Variants in NREP observed in about 807,000 individuals in gnomAD.
NREP encodes neuronal regeneration related protein.
Under a neutral mutation model 8.6 loss-of-function variants are expected in NREP, and 5 were observed. The observed-to-expected ratio is 0.58, with a 90% CI of 0.30 to 1.22. The LOEUF (loss-of-function observed/expected upper bound fraction) is 1.22, where lower values mean the gene tolerates loss of function less well. NREP is among the 50% of genes most tolerant of loss of function. The pLI, the probability that NREP is intolerant of heterozygous loss-of-function variation, is 0.07. For synonymous variants in NREP, 27 were observed against 28.0 expected, an observed-to-expected ratio of 0.96 and a Z score of 0.11; for missense variants, 86 against 82.5, an observed-to-expected ratio of 1.04 and a Z score of -0.17.
chr5:111,755,913 C>T, intron 1 of NREP, 83 bp from the exon 2 acceptor site: 2 of 1,565,796 alleles, frequency 1.3e-6, no homozygotes, highest in South Asian at 1.2e-5. Context: ...AGGTTACAGA[C>T]GAATAACCAT....
chr5:111,885,679 C>T (rs1754223898), intron 2 of NREP, among the ~76,000 whole-genome samples: 1 of 152,154 alleles, frequency 6.6e-6, no homozygotes, highest in African/African-American at 2.4e-5. Context: ...ATATCTTCAA[C>T]TATCTGATCT....
chr5:111,922,107 C>G (rs976164639), intron 2 of NREP, among the ~76,000 whole-genome samples: 1 of 152,124 alleles, frequency 6.6e-6, no homozygotes, highest in Non-Finnish European at 1.5e-5. Context: ...TTCAAAAGGG[C>G]TTAAACTTAA....
intron 2 of NREP, among the ~76,000 whole-genome samples, chr5:111,923,825 T>A (rs1661636292): frequency 6.6e-6 from 1 of 152,210 alleles, no homozygotes; most frequent in African/African-American, 2.4e-5. Flanking sequence ...TAAGGGTTGG[T>A]GCCCCAAGCA....
At chr5:111,810,042 T>TA (rs201965843) in intron 2 of NREP, among the ~76,000 whole-genome samples, 2,258 of 151,140 alleles carry the variant, frequency 0.015, 46 homozygotes, top group African/African-American at 0.04. Context: ...ACTAATCTCA[T>TA]AAAAAAAGAC....
intron 2 of NREP, chr5:111,846,329 C>T (rs1282380262): frequency 3.3e-5 from 5 of 152,886 alleles, no homozygotes; most frequent in African/African-American, 9.8e-5. Context: ...GCTGGACTCT[C>T]CTCATTTTTA....
upstream of NREP, among the ~76,000 whole-genome samples, chr5:111,759,123 A>C (rs1383206238): frequency 2.6e-5 from 4 of 152,174 alleles, no homozygotes; most frequent in East Asian, 5.8e-4. Context: ...GGGTGGTGGG[A>C]GAGGGGAGAC....
intron 2 of NREP, among the ~76,000 whole-genome samples, chr5:111,771,600 T>C (rs2112873520): frequency 6.6e-6 from 1 of 151,936 alleles, no homozygotes; most frequent in East Asian, 1.9e-4. Context: ...TCGTCTCTAC[T>C]AAAAATACAA....
chr5:111,822,857 A>C (rs1157563250), intron 2 of NREP, among the ~76,000 whole-genome samples: 2 of 152,238 alleles, frequency 1.3e-5, no homozygotes, highest in Non-Finnish European at 2.9e-5. Flanking sequence ...AGTATAAATG[A>C]AAAATGGAGA....
chr5:111,900,427 C>T (rs1372862662), intron 2 of NREP, among the ~76,000 whole-genome samples: 3 of 151,352 alleles, frequency 2.0e-5, no homozygotes, highest in African/African-American at 7.3e-5. Context: ...TCAAAATAGG[C>T]CTGAATGTAA....
At chr5:111,935,516 C>T (rs937875628) in intron 2 of NREP, among the ~76,000 whole-genome samples, 5 of 152,072 alleles carry the variant, frequency 3.3e-5, no homozygotes, top group African/African-American at 1.2e-4. Flanking sequence ...GCACTTACTA[C>T]ACAGGTACTT....
intron 2 of NREP, among the ~76,000 whole-genome samples, chr5:111,736,380 T>G (rs1489615634): frequency 1.3e-5 from 2 of 152,206 alleles, no homozygotes; most frequent in African/African-American, 4.8e-5. Flanking sequence ...TTTAATATAG[T>G]TCTGATTGAA....
At chr5:111,909,037 G>A (rs2112559953) in intron 2 of NREP, among the ~76,000 whole-genome samples, 1 of 152,124 alleles carries the variant, frequency 6.6e-6, no homozygotes, top group African/African-American at 2.4e-5. Context: ...TTTGAGAAGT[G>A]TCTGTACATG....
chr5:111,843,499 A>G (rs1206395152), intron 2 of NREP, among the ~76,000 whole-genome samples: 1 of 151,950 alleles, frequency 6.6e-6, no homozygotes, highest in African/African-American at 2.4e-5. Context: ...ACTGAGCTTC[A>G]TTAAGATGAT....
chr5:111,948,609 G>C (rs778699437), intron 2 of NREP, among the ~76,000 whole-genome samples: 19 of 152,074 alleles, frequency 1.2e-4, no homozygotes, highest in East Asian at 1.9e-4. Context: ...ATGCAAAAGT[G>C]AGTTGGTTGT....
At chr5:111,943,797 T>C (rs1180188734) in intron 2 of NREP, among the ~76,000 whole-genome samples, 4 of 152,126 alleles carry the variant, frequency 2.6e-5, no homozygotes, top group African/African-American at 9.7e-5. Context: ...TTTTGTGAAT[T>C]GTTTCTTTGG....
chr5:111,872,959 C>G (rs1753823341), intron 2 of NREP, among the ~76,000 whole-genome samples: 1 of 152,118 alleles, frequency 6.6e-6, no homozygotes, highest in South Asian at 2.1e-4. Flanking sequence ...GCATTTCAGC[C>G]ATTTTAACTT....
chr5:111,863,104 A>G (rs1219387701), intron 2 of NREP, among the ~76,000 whole-genome samples: 1 of 151,496 alleles, frequency 6.6e-6, no homozygotes, highest in Non-Finnish European at 1.5e-5. Context: ...AATTAACCCT[A>G]GAGATCAGCT....
rs1292696085 is a variant in NREP at position 111,883,728 on chromosome 5, G to A, written c.135+91546C>T. On this transcript the variant is annotated intron_variant, in intron 2 of 3. Coordinates refer to the NREP transcript ENST00000395634. ...CAACCTGCTCCTGAATGACTACTGG[G>A]TACATAAAAAAATGAAAGCAGAAAT... Among the ~76,000 whole-genome samples the A allele has an allele frequency of 5.9e-5, 9 of 152,092 alleles. No individual in the cohort carries two copies. The East Asian group carries it at 1.7e-3, about 29-fold the overall frequency.
intron 2 of NREP, among the ~76,000 whole-genome samples, chr5:111,820,755 G>A (rs2112924053): frequency 6.6e-6 from 1 of 152,220 alleles, no homozygotes; most frequent in South Asian, 2.1e-4. Context: ...TTAATTTGTA[G>A]CTGAATTATA....
Sources: gnomAD v4.1 joint callset for allele counts (sites outside exome capture counted in the v4.1 genomes callset) on GRCh38, gnomAD v4.1.1 for gene constraint, MANE v1.5 for transcripts, NCBI Gene and HGNC (gene_info 2026-07-23, HGNC 2026-07-21) for gene names.